The following TRAK2 variants were observed in gnomAD, a reference collection of about 807,000 sequenced individuals.
TRAK2 encodes trafficking kinesin protein 2.
Under a neutral mutation model 104.6 loss-of-function variants are expected in TRAK2, and 81 were observed. That is an observed-to-expected ratio of 0.77 (90% CI 0.65 to 0.93). The LOEUF is 0.93. Among genes scored for constraint, TRAK2 ranks in the 40% least tolerant of loss-of-function variants. The probability of loss-of-function intolerance (pLI) is 0.00; values close to 1 mark genes in which losing one functional copy is unlikely to be tolerated. For missense variants in TRAK2, 1,002 were observed against 1,089.0 expected, an observed-to-expected ratio of 0.92 and a Z score of 1.12; for synonymous variants, 406 against 394.4, an observed-to-expected ratio of 1.03 and a Z score of -0.35.
At chr2:201,431,486 C>T (rs951374338) in intron 1 of TRAK2, among the ~76,000 whole-genome samples, 1 of 152,198 alleles carries the variant, frequency 6.6e-6, no homozygotes, top group African/African-American at 2.4e-5. Context: ...TTTCTTCCAC[C>T]ATCTTCTATG....
intron 3 of TRAK2, among the ~76,000 whole-genome samples, chr2:201,405,932 C>T (rs1204603996): frequency 2.0e-5 from 3 of 152,026 alleles, no homozygotes; most frequent in Admixed American, 6.5e-5. Context: ...TGCAGTGAGG[C>T]GAGATCGTGC....
chr2:201,384,273 A>G, intron 14 of TRAK2, 57 bp from the exon 15 acceptor site: 1 of 1,245,700 alleles, frequency 8.0e-7, no homozygotes, highest in East Asian at 2.3e-5. Flanking sequence ...TAATAATGTA[A>G]AAAGCTCATC....
intron 2 of TRAK2, among the ~76,000 whole-genome samples, chr2:201,416,587 C>A (rs1335685531): frequency 2.0e-5 from 3 of 151,872 alleles, no homozygotes; most frequent in Admixed American, 2.0e-4. Context: ...CTTTTATTTT[C>A]ATAATTTATT....
chr2:201,411,718 G>C, intron 2 of TRAK2: 2 of 780,780 alleles, frequency 2.6e-6, no homozygotes, highest in East Asian at 4.9e-5. Context: ...TCTTTGGATG[G>C]AATTTGTTGT....
intron 12 of TRAK2, among the ~76,000 whole-genome samples, 198 bp downstream of exon 12, chr2:201,389,102 T>G (rs1305591527): frequency 6.6e-6 from 1 of 152,200 alleles, no homozygotes; most frequent in Non-Finnish European, 1.5e-5. Flanking sequence ...TTCATGCTAG[T>G]GACCAAACAG....
At chr2:201,406,427 A>T (rs73988769) in intron 3 of TRAK2, among the ~76,000 whole-genome samples, 9,830 of 152,272 alleles carry the variant, frequency 0.065, 674 homozygotes, top group East Asian at 0.26. Flanking sequence ...AGCTGAAACA[A>T]TGTTTATAAT....
intron 14 of TRAK2, among the ~76,000 whole-genome samples, chr2:201,385,510 A>G (rs1464018250): frequency 6.6e-6 from 1 of 152,128 alleles, no homozygotes; most frequent in Admixed American, 6.6e-5. Context: ...AAAGTAATGA[A>G]AAGTTCATTG....
At chr2:201,389,758 C>A (rs778674022) in intron 11 of TRAK2, 43 bp downstream of exon 11, 1 of 1,515,372 alleles carries the variant, frequency 6.6e-7, no homozygotes, top group African/African-American at 1.4e-5. Context: ...TTTTTAATTT[C>A]TATTCCAATG....
intron 1 of TRAK2, among the ~76,000 whole-genome samples, chr2:201,431,811 C>G (rs911255602): frequency 2.0e-5 from 3 of 152,124 alleles, no homozygotes; most frequent in Non-Finnish European, 2.9e-5. Context: ...GAACTCCAGC[C>G]CCACCACTTA....
intron 2 of TRAK2, among the ~76,000 whole-genome samples, chr2:201,408,952 G>A (rs1186445549): frequency 6.6e-6 from 1 of 152,028 alleles, no homozygotes; most frequent in East Asian, 1.9e-4. Context: ...TTAAAGAAGT[G>A]GTACATCTAA....
At chr2:201,384,996 A>C (rs934136987) in intron 14 of TRAK2, among the ~76,000 whole-genome samples, 3 of 152,198 alleles carry the variant, frequency 2.0e-5, no homozygotes, top group African/African-American at 7.2e-5. Context: ...AACTATAGTA[A>C]TTCAGACTTG....
chr2:201,434,119 G>A (rs938081577), intron 1 of TRAK2, among the ~76,000 whole-genome samples: 23 of 152,170 alleles, frequency 1.5e-4, no homozygotes, highest in African/African-American at 5.5e-4. Context: ...CACCGCGCCC[G>A]GCTAATTTTT....
rs914950700 is a variant in TRAK2 at position 201,379,677 on chromosome 2, A to T, written c.*866T>A. 1.3e-5 allele frequency: 2 copies of T among 152,602 alleles called. No homozygotes were observed. Among genetic ancestry groups the T allele is most frequent in the East Asian group, 1.9e-4 (1 of 5,198 alleles). The allele number at this position is 152,602 out of a possible 1,614,324, so 9.5% of individuals were successfully genotyped here. On this transcript the variant is annotated 3_prime_UTR_variant, in exon 16 of 16. Coordinates refer to ENST00000332624, the MANE Select transcript of TRAK2 (RefSeq NM_015049.3). ...CCCTTCCAGCCTCCAAGGAATTTTTAAAAACATGCAATTATGTTTGTATTC... is the reference window on the plus strand; with the variant it reads ...CCCTTCCAGCCTCCAAGGAATTTTTTAAAACATGCAATTATGTTTGTATTC...
chr2:201,393,079 C>T, intron 9 of TRAK2, 33 bp from the exon 10 acceptor site: 1 of 1,568,250 alleles, frequency 6.4e-7, no homozygotes, highest in Non-Finnish European at 8.6e-7. Context: ...ACTTTATTGC[C>T]TTCCCAAAAC....
At chr2:201,424,751 C>T (rs1049296609) in intron 1 of TRAK2, among the ~76,000 whole-genome samples, 7 of 151,826 alleles carry the variant, frequency 4.6e-5, no homozygotes, top group African/African-American at 1.5e-4. Flanking sequence ...TACAGGCACC[C>T]GCCACCTTGC....
intron 1 of TRAK2, among the ~76,000 whole-genome samples, chr2:201,434,206 C>T (rs566662260): frequency 6.6e-6 from 1 of 152,268 alleles, no homozygotes; most frequent in East Asian, 1.9e-4. Context: ...ATCCGCCCAC[C>T]TCAGCCTCCC....
chr2:201,433,748 G>A (rs755895964), intron 1 of TRAK2, among the ~76,000 whole-genome samples: 5 of 152,116 alleles, frequency 3.3e-5, no homozygotes, highest in East Asian at 3.9e-4. Flanking sequence ...TGTCAACCGC[G>A]GTTTTTGATA....
intron 1 of TRAK2, among the ~76,000 whole-genome samples, chr2:201,423,260 T>G (rs186199626): frequency 2.6e-5 from 4 of 152,166 alleles, no homozygotes; most frequent in Admixed American, 6.5e-5. Context: ...ATATTTGAAC[T>G]CAGAAAATTT....
intron 2 of TRAK2, among the ~76,000 whole-genome samples, chr2:201,417,231 G>A (rs1335021538): frequency 2.4e-4 from 11 of 46,224 alleles, no homozygotes; most frequent in Admixed American, 3.1e-4. Context: ...AAAATAAAGC[G>A]AAGACATTGC....
Sources: gnomAD v4.1 joint callset for allele counts (sites outside exome capture counted in the v4.1 genomes callset) on GRCh38, gnomAD v4.1.1 for gene constraint, MANE v1.5 for transcripts, NCBI Gene and HGNC (gene_info 2026-07-23, HGNC 2026-07-21) for gene names.